PAM16: variants seen among roughly 807,000 people sequenced by gnomAD.
PAM16 encodes the protein mitochondrial import inner membrane translocase subunit TIM16.
A neutral mutation model predicts 17.9 loss-of-function variants in PAM16; 11 were observed. The observed-to-expected ratio is 0.62, with a 90% CI of 0.39 to 1.02. The LOEUF is 1.02. Among genes scored for constraint, PAM16 ranks in the 50% least tolerant of loss-of-function variants. The probability of loss-of-function intolerance (pLI) is 0.01; values close to 1 mark genes in which losing one functional copy is unlikely to be tolerated. For synonymous variants in PAM16, 72 were observed against 67.4 expected (o/e 1.07, Z -0.34); for missense variants, 199 against 165.4 (o/e 1.20, Z -1.11).
At position 4,340,977 on chromosome 16, in the gene PAM16, T is replaced by C. The variant is rs1490302072; in HGVS notation, c.234A>G (p.Glu78=). 1 of 1,613,526 alleles carries C rather than the reference T, an allele frequency of 6.2e-7. No individual in the cohort carries two copies. The highest frequency in any genetic ancestry group is 2.2e-5 in the East Asian group (1 of 44,874). ...ATTTATCATTCACCTTAAATAAGTG[T>C]TCATAGTTCTGCAGAGGAGAGGGGA... ...LSPEEVQKNY[E]HLFKVNDKSV... The change falls in exon 4 of 5, where the codon GAA becomes GAG. Residue 78 remains glutamate (E), a synonymous_variant. Coordinates refer to ENST00000318059, the MANE Select transcript of PAM16 (RefSeq NM_016069.11).
chr16:4,348,953 CTTT>C (rs1219395068), intron 1 of PAM16, among the ~76,000 whole-genome samples: 23 of 114,228 alleles, frequency 2.0e-4, no homozygotes, highest in African/African-American at 7.0e-4. Flanking sequence ...CTAGCACTTT[CTTT>C]TTTTTTTTTT....
At chr16:4,349,096 C>T (rs1474857793) in intron 1 of PAM16, among the ~76,000 whole-genome samples, 1 of 152,022 alleles carries the variant, frequency 6.6e-6, no homozygotes, top group Non-Finnish European at 1.5e-5. Context: ...GCTGGGACTA[C>T]AGGTGCCTGC....
At position 4,341,434 on chromosome 16, in the gene PAM16, G is replaced by A. The variant is rs201422563; in HGVS notation, c.159C>T (p.Gly53=). The change falls in exon 3 of 5, where the codon GGC becomes GGT. Residue 53 remains glycine (G), a synonymous_variant. Coordinates refer to ENST00000318059, the MANE Select transcript of PAM16 (RefSeq NM_016069.11). ...TCTGCTGTGCCTCCTGGAGGCTGAG[G>A]CCGGAGAGGTTGGAAGCGGCTGCAG... The part of the protein sequence containing the change: ...HRSAAASNLS[G]LSLQEAQQIL... 5.7e-5 allele frequency: 92 copies of A among 1,607,982 alleles called. No individual in the cohort carries two copies. The highest frequency in any genetic ancestry group is 1.5e-4 in the Admixed American group (9 of 59,412).
At chr16:4,344,215 G>A (rs1216994938) in intron 1 of PAM16, 7 of 216,932 alleles carry the variant, frequency 3.2e-5, no homozygotes, top group South Asian at 2.9e-4. Context: ...AGAGGAGGGC[G>A]TTCCGTGAGA....
At chr16:4,342,488 C>G (rs1036152851) in intron 2 of PAM16, among the ~76,000 whole-genome samples, 4 of 149,866 alleles carry the variant, frequency 2.7e-5, no homozygotes, top group East Asian at 4.0e-4. Flanking sequence ...AACCCCGTCT[C>G]TACTAAAAAT....
In PAM16 at chr16:4,350,393, A is replaced by G. The variant is rs572834901; in HGVS notation, c.3+839T>C. ...GTATACATAAATGTATACGGTATAT[A>G]TAATACATATATATAATTTTTTTTT... On this transcript the variant is annotated intron_variant, in intron 1 of 4. Transcript: ENST00000318059. Among the ~76,000 whole-genome samples, 20 of 150,668 alleles carry G rather than the reference A, an allele frequency of 1.3e-4. 1 individual carries two copies. The highest frequency in any genetic ancestry group is 4.9e-4 in the African/African-American group (20 of 41,220).
chr16:4,351,271 T>C lies in PAM16; in HGVS notation c.-37A>G. ...TGCCTCCGGGGCTCAAACTCCGACT[T>C]CCTGGCCCCGCGGCCGGGGATCAAG... On this transcript the variant is annotated 5_prime_UTR_variant, in exon 1 of 5. Coordinates refer to ENST00000318059, the MANE Select transcript of PAM16 (RefSeq NM_016069.11). The C allele has an allele frequency of 6.9e-7, 1 of 1,455,784 alleles. No individual in the cohort carries two copies. The highest frequency in any genetic ancestry group is 9.1e-7 in the Non-Finnish European group (1 of 1,095,690). The allele number at this position is 1,455,784 out of a possible 1,614,324, so 90.2% of individuals were successfully genotyped here.
At chr16:4,347,799 C>G (rs1244008470) in intron 1 of PAM16, 1 of 152,250 alleles carries the variant, frequency 6.6e-6, no homozygotes, top group East Asian at 1.9e-4. Flanking sequence ...ACCCAGCTGA[C>G]TTGGCATCCA....
At chr16:4,349,191 G>A (rs376146628) in intron 1 of PAM16, among the ~76,000 whole-genome samples, 3 of 148,908 alleles carry the variant, frequency 2.0e-5, no homozygotes, top group Non-Finnish European at 3.0e-5. Flanking sequence ...TCCTGACCTC[G>A]TGATCCACCC....
chr16:4,342,711 A>T (rs2053667946), intron 2 of PAM16, among the ~76,000 whole-genome samples: 1 of 152,030 alleles, frequency 6.6e-6, no homozygotes, highest in African/African-American at 2.4e-5. Context: ...TCACACCTGT[A>T]ATCCCAGCAC....
At chr16:4,348,603 C>G (rs2053794608) in intron 1 of PAM16, 1 of 152,378 alleles carries the variant, frequency 6.6e-6, no homozygotes, top group Admixed American at 6.5e-5. Flanking sequence ...ATATCATTCC[C>G]CATCCCCCGG....
At chr16:4,349,141 G>A (rs993277926) in intron 1 of PAM16, among the ~76,000 whole-genome samples, 3 of 151,424 alleles carry the variant, frequency 2.0e-5, no homozygotes, top group East Asian at 2.0e-4. Context: ...ATTTTTAGTA[G>A]AGACGGGGTT....
rs969454436 is a variant in PAM16 at position 4,351,288 on chromosome 16, G to C, written c.-54C>G. 1 of 1,415,326 alleles carries C rather than the reference G, an allele frequency of 7.1e-7. No homozygotes were observed. Among genetic ancestry groups the C allele is most frequent in the Non-Finnish European group, 9.4e-7 (1 of 1,069,342 alleles). The allele number at this position is 1,415,326 out of a possible 1,614,324, so 87.7% of individuals were successfully genotyped here. On this transcript the variant is annotated 5_prime_UTR_variant, in exon 1 of 5. Transcript: ENST00000318059. ...CTCCGACTTCCTGGCCCCGCGGCCGGGGATCAAGCGTGGTCGGCGGGTCAG... is the reference window on the plus strand; with the variant it reads ...CTCCGACTTCCTGGCCCCGCGGCCGCGGATCAAGCGTGGTCGGCGGGTCAG...
In PAM16 at chr16:4,341,435, C is replaced by A. The variant is rs1229245345; in HGVS notation, c.158G>T (p.Gly53Val). 7 of 1,607,894 alleles carry A rather than the reference C, an allele frequency of 4.4e-6. No homozygotes were observed. In the Middle Eastern group the frequency reaches 5.0e-4, roughly 114 times the overall value. ...HRSAAASNLS[G>V]LSLQEAQQIL... ...CTGCTGTGCCTCCTGGAGGCTGAGG[C>A]CGGAGAGGTTGGAAGCGGCTGCAGA... The change falls in exon 3 of 5, where the codon GGC (glycine) becomes GTC (valine). Residue 53 changes from glycine (G) to valine (V), a missense_variant. Transcript: ENST00000318059.
intron 1 of PAM16, among the ~76,000 whole-genome samples, chr16:4,344,442 CTCTGAGAGGAGGGGACTG>C (rs2053709833): frequency 9.9e-5 from 8 of 80,440 alleles, no homozygotes; most frequent in Admixed American, 3.3e-4. Context: ...GGAGGGGGTT[CTCTGAGAGGAGGGGACTG>C]TGTGAGAGGA....
chr16:4,344,105 A>G (rs549967178), intron 1 of PAM16: 64 of 397,620 alleles, frequency 1.6e-4, no homozygotes, highest in African/African-American at 1.2e-3. Flanking sequence ...CATGCCCCGC[A>G]GAGGCCCTGG....
chr16:4,350,634 C>T (rs1048307728), intron 1 of PAM16, among the ~76,000 whole-genome samples: 5 of 152,230 alleles, frequency 3.3e-5, no homozygotes, highest in African/African-American at 7.2e-5. Flanking sequence ...AACTCCTGAC[C>T]TCGTGATCCG....
chr16:4,344,102 C>T (rs1043355634), intron 1 of PAM16: 45 of 397,144 alleles, frequency 1.1e-4, no homozygotes, highest in South Asian at 3.9e-4. Context: ...TTCCATGCCC[C>T]GCAGAGGCCC....
At chr16:4,345,162 G>C (rs538865089) in intron 1 of PAM16, 3 of 152,106 alleles carry the variant, frequency 2.0e-5, no homozygotes, top group Admixed American at 6.6e-5. Flanking sequence ...GAGGCAGCTC[G>C]GCATAGGTTG....
Sources: allele counts gnomAD v4.1 joint callset (sites outside exome capture counted in the v4.1 genomes callset), GRCh38; gene constraint gnomAD v4.1.1; transcripts MANE v1.5; gene names NCBI Gene and HGNC (gene_info 2026-07-23, HGNC 2026-07-21).